Variants in CALD1 observed in about 807,000 individuals in gnomAD.
The protein encoded by CALD1 is caldesmon.
Under a neutral mutation model 99.9 loss-of-function variants are expected in CALD1, and 33 were observed. The observed-to-expected ratio is 0.33, with a 90% CI of 0.25 to 0.44. The LOEUF (loss-of-function observed/expected upper bound fraction) is 0.44, where lower values mean the gene tolerates loss of function less well. Among genes scored for constraint, CALD1 ranks in the 20% least tolerant of loss-of-function variants. The pLI is 1.00. For synonymous variants in CALD1, 310 were observed against 325.0 expected, an observed-to-expected ratio of 0.95 and a Z score of 0.50; for missense variants, 861 against 962.1, an observed-to-expected ratio of 0.89 and a Z score of 1.39.
intron 1 of CALD1, among the ~76,000 whole-genome samples, chr7:134,825,351 C>T (rs1289107469): frequency 1.3e-5 from 2 of 152,124 alleles, no homozygotes; most frequent in Non-Finnish European, 2.9e-5. Context: ...AATGTACCCG[C>T]ATTAAAATAA....
chr7:134,858,771 T>C (rs1800431172), intron 2 of CALD1, among the ~76,000 whole-genome samples: 1 of 152,026 alleles, frequency 6.6e-6, no homozygotes, highest in South Asian at 2.1e-4. Flanking sequence ...GGTTTCACCA[T>C]GTTGGCCAGG....
chr7:134,896,953 T>G (rs1297241427), intron 3 of CALD1, among the ~76,000 whole-genome samples: 1 of 152,194 alleles, frequency 6.6e-6, no homozygotes, highest in Non-Finnish European at 1.5e-5. Flanking sequence ...AAGGTGGTTG[T>G]AGGCTGGTCT....
At chr7:134,799,814 CA>C (rs1005943879) in intron 1 of CALD1, among the ~76,000 whole-genome samples, 117 of 152,274 alleles carry the variant, frequency 7.7e-4, no homozygotes, top group African/African-American at 2.7e-3. Context: ...TTCCCCCTTG[CA>C]CACAGAGGGG....
chr7:134,963,769 A>G (rs539976910), intron 13 of CALD1, among the ~76,000 whole-genome samples: 114 of 152,290 alleles, frequency 7.5e-4, no homozygotes, highest in African/African-American at 2.6e-3. Context: ...CATGTCATCA[A>G]CTGTCAACTT....
intron 9 of CALD1, among the ~76,000 whole-genome samples, chr7:134,952,244 T>C (rs1807397722): frequency 1.3e-5 from 2 of 151,810 alleles, no homozygotes; most frequent in South Asian, 4.2e-4. Flanking sequence ...GAGGTTACAG[T>C]GAGCCGAGAT....
At chr7:134,876,320 G>C (rs746448838) in intron 3 of CALD1, among the ~76,000 whole-genome samples, 1 of 152,198 alleles carries the variant, frequency 6.6e-6, no homozygotes. Context: ...CAGTTAAGCT[G>C]TTTGCATAGT....
chr7:134,740,833 G>A (rs144355096), upstream of CALD1, among the ~76,000 whole-genome samples: 118 of 152,350 alleles, frequency 7.7e-4, no homozygotes, highest in Middle Eastern at 3.4e-3. Flanking sequence ...TTAGCAAAGG[G>A]ATAATAATAG....
intron 3 of CALD1, among the ~76,000 whole-genome samples, chr7:134,926,221 A>G (rs540477801): frequency 6.6e-6 from 1 of 152,352 alleles, no homozygotes; most frequent in South Asian, 2.1e-4. Flanking sequence ...CAACATATCT[A>G]TCTATTATTT....
At chr7:134,870,564 T>C (rs1327210727) in intron 3 of CALD1, among the ~76,000 whole-genome samples, 2 of 152,248 alleles carry the variant, frequency 1.3e-5, no homozygotes, top group African/African-American at 4.8e-5. Flanking sequence ...CTTAGTTATG[T>C]ACCCTGAATA....
the CALD1 span, among the ~76,000 whole-genome samples, chr7:134,712,964 T>C: frequency 6.6e-6 from 1 of 152,234 alleles, no homozygotes; most frequent in African/African-American, 2.4e-5. Context: ...CCCTCTTTCA[T>C]TCAAGGATTT....
At chr7:134,864,654 C>T (rs565305862) in intron 2 of CALD1, among the ~76,000 whole-genome samples, 1 of 152,286 alleles carries the variant, frequency 6.6e-6, no homozygotes, top group East Asian at 1.9e-4. Flanking sequence ...CCCACCTTGG[C>T]CTCCCAAAGT....
At chr7:134,733,543 T>TTG in the CALD1 span, among the ~76,000 whole-genome samples, 2 of 152,110 alleles carry the variant, frequency 1.3e-5, no homozygotes, top group Admixed American at 1.3e-4. Flanking sequence ...GCGCGGTGGC[T>TTG]CAAGCCTGTA....
chr7:134,736,964 C>A, the CALD1 span, among the ~76,000 whole-genome samples: 1 of 152,202 alleles, frequency 6.6e-6, no homozygotes, highest in East Asian at 1.9e-4. Context: ...TTAGCTTGGT[C>A]TTCTTGTTCA....
chr7:134,723,243 G>A, the CALD1 span, among the ~76,000 whole-genome samples: 1 of 152,116 alleles, frequency 6.6e-6, no homozygotes, highest in Non-Finnish European at 1.5e-5. Context: ...ATATGTAAAG[G>A]GCATTTAGGG....
intron 1 of CALD1, among the ~76,000 whole-genome samples, chr7:134,773,069 C>A (rs556561868): frequency 6.6e-6 from 1 of 152,298 alleles, no homozygotes; most frequent in East Asian, 1.9e-4. Context: ...ACTGTATTGG[C>A]CCATTGGGCC....
intron 3 of CALD1, among the ~76,000 whole-genome samples, chr7:134,910,504 A>G (rs1803724477): frequency 6.6e-6 from 1 of 152,192 alleles, no homozygotes; most frequent in African/African-American, 2.4e-5. Flanking sequence ...AATATAAGAA[A>G]TTTGCAAGGG....
rs548059283 is a variant in CALD1, at chr7:134,804,067, C to T, written c.-130+24318C>T. On this transcript the variant is annotated intron_variant, in intron 1 of 14. Coordinates refer to ENST00000361675, the MANE Select transcript of CALD1 (RefSeq NM_033138.4). ...TTTGTCTTTTCTTGCAAATACCAAA[C>T]TGTCTTGATTACTGTGGCTTCATTA... Among the ~76,000 whole-genome samples, 30 of 152,322 alleles carry T rather than the reference C, an allele frequency of 2.0e-4. No individual in the cohort carries two copies. The South Asian group carries it at 6.2e-3, about 32-fold the overall frequency.
chr7:134,793,831 TA>T (rs1376775619), intron 1 of CALD1, among the ~76,000 whole-genome samples: 6 of 151,074 alleles, frequency 4.0e-5, no homozygotes, highest in Admixed American at 1.3e-4. Context: ...TTTTTTTTTT[TA>T]AACCTTTTAT....
chr7:134,817,404 T>G (rs1798603167), intron 1 of CALD1, among the ~76,000 whole-genome samples: 1 of 152,200 alleles, frequency 6.6e-6, no homozygotes, highest in Non-Finnish European at 1.5e-5. Flanking sequence ...GGTACCCAGT[T>G]TTCCCCAGTA....
Sources: gnomAD v4.1 joint callset for allele counts (sites outside exome capture counted in the v4.1 genomes callset) on GRCh38, gnomAD v4.1.1 for gene constraint, MANE v1.5 for transcripts, NCBI Gene and HGNC (gene_info 2026-07-23, HGNC 2026-07-21) for gene names.